Variants in PSD3 observed in about 807,000 individuals in gnomAD.
PSD3 encodes PH and SEC7 domain-containing protein 3.
A neutral mutation model predicts 105.5 loss-of-function variants in PSD3; 49 were observed. The ratio of observed to expected loss-of-function variants is 0.46; its 90% CI spans 0.37 to 0.59. The LOEUF is 0.59. Ranked by LOEUF, PSD3 falls within the 20% of genes least tolerant of loss-of-function variation. PSD3 has a pLI of 0.00. For synonymous variants in PSD3, 557 were observed against 457.8 expected (o/e 1.22, Z -2.77); for missense variants, 1,561 against 1,263.8 (o/e 1.24, Z -3.57).
At chr8:18,766,941 T>C (rs1807050716) in intron 8 of PSD3, among the ~76,000 whole-genome samples, 1 of 152,192 alleles carries the variant, frequency 6.6e-6, no homozygotes, top group South Asian at 2.1e-4. Context: ...TAGCGGGAGA[T>C]ACCAGCTCTA....
At chr8:18,605,376 C>T (rs79862608) in intron 11 of PSD3, among the ~76,000 whole-genome samples, 2 of 151,528 alleles carry the variant, frequency 1.3e-5, no homozygotes, top group Middle Eastern at 3.4e-3. Flanking sequence ...CCTGTAGCCC[C>T]TTTTTTTTGG....
chr8:18,632,538 C>T, intron 11 of PSD3, 75 bp downstream of exon 11: 1 of 1,463,914 alleles, frequency 6.8e-7, no homozygotes, highest in South Asian at 1.2e-5. Flanking sequence ...CCTTGACTTT[C>T]AGATAAATTC....
intron 8 of PSD3, among the ~76,000 whole-genome samples, chr8:18,792,758 G>A (rs1465621836): frequency 6.6e-6 from 1 of 152,208 alleles, no homozygotes; most frequent in African/African-American, 2.4e-5. Flanking sequence ...CATTGTGGAA[G>A]ACACTGTGGA....
chr8:18,639,982 C>T (rs977066850), intron 10 of PSD3, among the ~76,000 whole-genome samples: 1 of 152,128 alleles, frequency 6.6e-6, no homozygotes, highest in African/African-American at 2.4e-5. Flanking sequence ...TTGAAGCTTG[C>T]TCTAAGTCAG....
intron 2 of PSD3, among the ~76,000 whole-genome samples, chr8:18,913,082 C>A (rs1186648713): frequency 2.5e-5 from 3 of 119,930 alleles, no homozygotes; most frequent in Admixed American, 1.9e-4. Context: ...CACACACACA[C>A]ACAAACACAC....
intron 12 of PSD3, among the ~76,000 whole-genome samples, chr8:18,584,568 C>T (rs962683882): frequency 1.3e-5 from 2 of 152,180 alleles, no homozygotes; most frequent in Admixed American, 1.3e-4. Context: ...GAAGAAGTAA[C>T]CTACAACCTA....
At chr8:18,631,483 T>G (rs994715152) in intron 11 of PSD3, among the ~76,000 whole-genome samples, 2 of 151,944 alleles carry the variant, frequency 1.3e-5, no homozygotes, top group Non-Finnish European at 2.9e-5. Flanking sequence ...CTAATAACCA[T>G]GTATAAAGGA....
chr8:18,817,275 T>C (rs1366959025), intron 4 of PSD3, among the ~76,000 whole-genome samples: 1 of 152,228 alleles, frequency 6.6e-6, no homozygotes, highest in Non-Finnish European at 1.5e-5. Context: ...AGACACATGT[T>C]AGCTTCCAAA....
At chr8:18,920,285 C>T (rs7838615) in intron 2 of PSD3, among the ~76,000 whole-genome samples, 12,972 of 152,110 alleles carry the variant, frequency 0.085, 753 homozygotes, top group Admixed American at 0.19. Context: ...ATATAACTGC[C>T]TAAATATAAA....
chr8:18,742,921 T>C (rs566110421), intron 9 of PSD3, among the ~76,000 whole-genome samples: 2 of 152,334 alleles, frequency 1.3e-5, no homozygotes, highest in East Asian at 3.9e-4. Context: ...CAGAGAACTG[T>C]AGACATCAAC....
chr8:18,711,218 C>T (rs1252236169), intron 9 of PSD3, among the ~76,000 whole-genome samples: 1 of 152,108 alleles, frequency 6.6e-6, no homozygotes, highest in African/African-American at 2.4e-5. Flanking sequence ...CACTATGAAG[C>T]AACTACATTA....
chr8:18,732,546 G>A (rs568202021), intron 9 of PSD3, among the ~76,000 whole-genome samples: 1 of 152,318 alleles, frequency 6.6e-6, no homozygotes, highest in East Asian at 1.9e-4. Flanking sequence ...TCCAATGTAT[G>A]AGCATGGTGC....
At chr8:18,713,865 A>G (rs1041490589) in intron 9 of PSD3, among the ~76,000 whole-genome samples, 5 of 152,200 alleles carry the variant, frequency 3.3e-5, no homozygotes, top group Non-Finnish European at 7.3e-5. Flanking sequence ...AAATCCCACT[A>G]CCTGAATTCA....
At chr8:18,658,998 C>A (rs1000672401) in intron 9 of PSD3, among the ~76,000 whole-genome samples, 1 of 152,162 alleles carries the variant, frequency 6.6e-6, no homozygotes, top group African/African-American at 2.4e-5. Flanking sequence ...TTTCTCCCAG[C>A]TCCAGTATGA....
chr8:18,739,961 G>T (rs973962597), intron 9 of PSD3, among the ~76,000 whole-genome samples: 2 of 152,148 alleles, frequency 1.3e-5, no homozygotes, highest in Admixed American at 1.3e-4. Flanking sequence ...GAAATGTCAA[G>T]AACTCACAAA....
intron 2 of PSD3, among the ~76,000 whole-genome samples, chr8:18,876,132 T>C (rs1006622178): frequency 2.6e-5 from 4 of 151,968 alleles, no homozygotes; most frequent in Non-Finnish European, 4.4e-5. Flanking sequence ...TCTCTATGGT[T>C]CCCAGGCTGG....
chr8:19,004,828 A>G (rs930645739), intron 1 of PSD3, among the ~76,000 whole-genome samples: 1 of 151,982 alleles, frequency 6.6e-6, no homozygotes, highest in Non-Finnish European at 1.5e-5. Flanking sequence ...AAGAGATCTG[A>G]TGGCTTTAAA....
At chr8:18,843,775 G>A (rs1814847280) in intron 4 of PSD3, among the ~76,000 whole-genome samples, 1 of 152,176 alleles carries the variant, frequency 6.6e-6, no homozygotes, top group South Asian at 2.1e-4. Flanking sequence ...TGGTGATGGT[G>A]ATGAATGACA....
At chr8:18,909,983 A>G in intron 2 of PSD3, among the ~76,000 whole-genome samples, 1 of 152,182 alleles carries the variant, frequency 6.6e-6, no homozygotes, top group East Asian at 1.9e-4. Context: ...GTGCCCAATT[A>G]TAACAGAGAA....
Sources: gnomAD v4.1 joint callset for allele counts (sites outside exome capture counted in the v4.1 genomes callset) on GRCh38, gnomAD v4.1.1 for gene constraint, MANE v1.5 for transcripts, NCBI Gene and HGNC (gene_info 2026-07-23, HGNC 2026-07-21) for gene names.